EPHA5: variants seen among roughly 807,000 people sequenced by gnomAD.
EPHA5 encodes ephrin type-A receptor 5.
Under a neutral mutation model 105.0 loss-of-function variants are expected in EPHA5, and 60 were observed. That is an observed-to-expected ratio of 0.57 (90% CI 0.46 to 0.71). The LOEUF (loss-of-function observed/expected upper bound fraction) is 0.71, where lower values mean the gene tolerates loss of function less well. EPHA5 is among the 30% of genes least tolerant of loss of function. The pLI is 0.00. For synonymous variants in EPHA5, 513 were observed against 449.1 expected, an observed-to-expected ratio of 1.14 and a Z score of -1.80; for missense variants, 1,218 against 1,274.7, an observed-to-expected ratio of 0.96 and a Z score of 0.68.
chr4:65,648,190 C>T (rs1748293690), intron 1 of EPHA5, among the ~76,000 whole-genome samples: 1 of 152,186 alleles, frequency 6.6e-6, no homozygotes, highest in Non-Finnish European at 1.5e-5. Context: ...TCCTCAACTT[C>T]ACACATTCTA....
intron 5 of EPHA5, among the ~76,000 whole-genome samples, chr4:65,470,717 G>T (rs1729203034): frequency 6.6e-6 from 1 of 152,180 alleles, no homozygotes; most frequent in Non-Finnish European, 1.5e-5. Context: ...AAGTCTACAT[G>T]AAATTTAAGG....
chr4:65,421,410 A>C (rs548534904), intron 5 of EPHA5, among the ~76,000 whole-genome samples: 5 of 152,146 alleles, frequency 3.3e-5, no homozygotes, highest in Admixed American at 6.6e-5. Flanking sequence ...GAAAAGTACT[A>C]ACATTACTGA....
intron 3 of EPHA5, among the ~76,000 whole-genome samples, chr4:65,569,148 A>G (rs1415138939): frequency 2.0e-5 from 3 of 151,548 alleles, no homozygotes; most frequent in Admixed American, 2.0e-4. Flanking sequence ...TCACAATATT[A>G]AAAGACACAA....
chr4:65,651,082 A>G (rs574979251), intron 1 of EPHA5, among the ~76,000 whole-genome samples: 1 of 152,208 alleles, frequency 6.6e-6, no homozygotes, highest in Non-Finnish European at 1.5e-5. Flanking sequence ...GAATTTAGGT[A>G]GAAAATATTA....
chr4:65,444,530 A>C (rs1726330916), intron 5 of EPHA5, among the ~76,000 whole-genome samples: 1 of 152,132 alleles, frequency 6.6e-6, no homozygotes, highest in African/African-American at 2.4e-5. Context: ...GGTTTTTCCA[A>C]CTGAGAGAAA....
chr4:65,596,903 A>C (rs1278437355), intron 3 of EPHA5, among the ~76,000 whole-genome samples: 1 of 152,312 alleles, frequency 6.6e-6, no homozygotes, highest in South Asian at 2.1e-4. Flanking sequence ...CCATAATTGC[A>C]TGGACACCTA....
chr4:65,543,173 G>A (rs796809687), intron 3 of EPHA5, among the ~76,000 whole-genome samples: 14 of 152,122 alleles, frequency 9.2e-5, no homozygotes, highest in African/African-American at 2.9e-4. Context: ...AGACAAGGAT[G>A]CCCTCTCTCA....
At chr4:65,488,970 C>T (rs1447124125) in intron 5 of EPHA5, among the ~76,000 whole-genome samples, 5 of 145,872 alleles carry the variant, frequency 3.4e-5, no homozygotes, top group Middle Eastern at 3.9e-3. Context: ...ACTGCAAGCT[C>T]CTCCTCCTGG....
intron 2 of EPHA5, among the ~76,000 whole-genome samples, 157 bp downstream of exon 2, chr4:65,643,206 T>G (rs752590873): frequency 2.6e-5 from 4 of 151,960 alleles, no homozygotes; most frequent in Non-Finnish European, 5.9e-5. Flanking sequence ...CTTTTTTTGA[T>G]TAGAGTTATT....
At chr4:65,600,340 C>T (rs1179486272) in intron 3 of EPHA5, among the ~76,000 whole-genome samples, 2 of 151,906 alleles carry the variant, frequency 1.3e-5, no homozygotes, top group Non-Finnish European at 2.9e-5. Context: ...TTCAGATGTA[C>T]TTGTGTAGAT....
chr4:65,421,114 T>C (rs1020050591), intron 5 of EPHA5, among the ~76,000 whole-genome samples: 1 of 152,082 alleles, frequency 6.6e-6, no homozygotes, highest in African/African-American at 2.4e-5. Flanking sequence ...ATAAACTTTT[T>C]TTATTCTCGT....
rs575608289 is a variant in EPHA5, at chr4:65,418,862, C to CTTTTTTTTTTTTTTTTTTTTTTT, written c.1527+1556_1527+1578dup. On this transcript the variant is annotated intron_variant, in intron 6 of 16. Transcript: ENST00000613740. ...AACATTCAATACACTTACCTAAACTCTTTTTTTTTTTTTTTTTTTTTTTTT... is the reference window on the plus strand; with the variant it reads ...AACATTCAATACACTTACCTAAACTCTTTTTTTTTTTTTTTTTTTTTTTTTTTTTTTTTTTTTTTTTTTTTTTT... Among the ~76,000 whole-genome samples, 56 of 47,072 alleles carry CTTTTTTTTTTTTTTTTTTTTTTT rather than the reference C, an allele frequency of 1.2e-3. 12 individuals are homozygous for CTTTTTTTTTTTTTTTTTTTTTTT. The highest frequency in any genetic ancestry group is 2.2e-3 in the African/African-American group (20 of 9,090). The allele number at this position is 47,072 out of a possible 152,430, so 30.9% of individuals were successfully genotyped here.
intron 2 of EPHA5, among the ~76,000 whole-genome samples, chr4:65,603,274 C>T (rs767805101): frequency 1.2e-4 from 18 of 151,916 alleles, no homozygotes; most frequent in African/African-American, 1.9e-4. Context: ...ATTTCCTGAA[C>T]GGTACAGAGC....
chr4:65,429,359 A>G (rs904780315), intron 5 of EPHA5, among the ~76,000 whole-genome samples: 2 of 152,016 alleles, frequency 1.3e-5, no homozygotes, highest in Non-Finnish European at 2.9e-5. Flanking sequence ...TTAAGTAGTA[A>G]TTAGCTCAGA....
chr4:65,513,786 G>A (rs147349989), intron 3 of EPHA5, among the ~76,000 whole-genome samples: 17 of 152,118 alleles, frequency 1.1e-4, no homozygotes, highest in African/African-American at 3.9e-4. Context: ...TTAAAAAAAC[G>A]TCAATACTTG....
intron 2 of EPHA5, among the ~76,000 whole-genome samples, chr4:65,626,881 A>C (rs1249744970): frequency 6.6e-6 from 1 of 152,226 alleles, no homozygotes; most frequent in Non-Finnish European, 1.5e-5. Flanking sequence ...ACTTATGTAA[A>C]TTAAAAGGGA....
At chr4:65,605,299 A>T (rs1314639091) in intron 2 of EPHA5, among the ~76,000 whole-genome samples, 1 of 152,124 alleles carries the variant, frequency 6.6e-6, no homozygotes, top group African/African-American at 2.4e-5. Context: ...TTTCATAACC[A>T]TATGTGTATC....
intron 5 of EPHA5, among the ~76,000 whole-genome samples, chr4:65,439,513 A>G (rs1318585932): frequency 6.7e-6 from 1 of 149,210 alleles, no homozygotes; most frequent in East Asian, 2.0e-4. Flanking sequence ...TTTATAGTCC[A>G]AGAGTTCATA....
chr4:65,511,044 T>C (rs546882572), intron 3 of EPHA5, among the ~76,000 whole-genome samples: 81 of 152,130 alleles, frequency 5.3e-4, no homozygotes, highest in Non-Finnish European at 1.1e-3. Context: ...GAGGACACAG[T>C]GAGAAAGCAG....
Sources: allele counts gnomAD v4.1 joint callset (sites outside exome capture counted in the v4.1 genomes callset), GRCh38; gene constraint gnomAD v4.1.1; transcripts MANE v1.5; gene names NCBI Gene and HGNC (gene_info 2026-07-23, HGNC 2026-07-21).